Variants in TMEM178B observed in about 807,000 individuals in gnomAD.
The protein encoded by TMEM178B is transmembrane protein 178B.
Under a neutral mutation model 31.0 loss-of-function variants are expected in TMEM178B, and 5 were observed. The ratio of observed to expected loss-of-function variants is 0.16; its 90% confidence interval spans 0.08 to 0.34. TMEM178B has a LOEUF of 0.34. Ranked by LOEUF, TMEM178B falls within the 10% of genes least tolerant of loss-of-function variation. TMEM178B has a pLI of 1.00. For synonymous variants in TMEM178B, 164 were observed against 164.0 expected (o/e 1.00, Z 0.00); for missense variants, 275 against 400.3 (o/e 0.69, Z 2.67).
intron 2 of TMEM178B, among the ~76,000 whole-genome samples, chr7:141,228,525 C>T (rs1797382946): frequency 6.6e-6 from 1 of 152,170 alleles, no homozygotes; most frequent in South Asian, 2.1e-4. Context: ...AACACCATCC[C>T]AGGCTCCCTT....
intron 1 of TMEM178B, among the ~76,000 whole-genome samples, chr7:141,161,288 G>A (rs1166723935): frequency 6.6e-6 from 1 of 152,176 alleles, no homozygotes; most frequent in Non-Finnish European, 1.5e-5. Context: ...GGTGGATGAC[G>A]AGGTGGTGAG....
intron 2 of TMEM178B, among the ~76,000 whole-genome samples, chr7:141,374,981 C>T (rs1313416564): frequency 1.3e-5 from 2 of 152,170 alleles, no homozygotes; most frequent in Non-Finnish European, 2.9e-5. Flanking sequence ...TCCCCATGTC[C>T]CATGGCTGGG....
intron 3 of TMEM178B, among the ~76,000 whole-genome samples, chr7:141,451,279 G>A (rs1326279133): frequency 2.0e-5 from 3 of 152,174 alleles, no homozygotes; most frequent in African/African-American, 4.8e-5. Context: ...TGCCTTGTAC[G>A]GTTGTTATGA....
At chr7:141,253,713 G>A (rs1221111038) in intron 2 of TMEM178B, among the ~76,000 whole-genome samples, 2 of 151,950 alleles carry the variant, frequency 1.3e-5, no homozygotes, top group Non-Finnish European at 2.9e-5. Context: ...ACAGCGCCCG[G>A]CTAAATTTTG....
At chr7:141,289,393 C>T (rs1798504777) in intron 2 of TMEM178B, among the ~76,000 whole-genome samples, 1 of 152,162 alleles carries the variant, frequency 6.6e-6, no homozygotes, top group Admixed American at 6.5e-5. Context: ...GGTGCAGTCT[C>T]AGAACCCATG....
chr7:141,289,738 A>G (rs1470367831), intron 2 of TMEM178B, among the ~76,000 whole-genome samples: 4 of 151,636 alleles, frequency 2.6e-5, no homozygotes, highest in Admixed American at 2.0e-4. Context: ...AAAAGAAAAA[A>G]GAAAAAGAAA....
At chr7:141,101,657 T>A (rs573588369) in intron 1 of TMEM178B, among the ~76,000 whole-genome samples, 47 of 152,314 alleles carry the variant, frequency 3.1e-4, no homozygotes, top group African/African-American at 1.1e-3. Flanking sequence ...CAGATAACTA[T>A]CTATAAATAA....
chr7:141,422,312 C>T lies in TMEM178B; in HGVS notation c.497-15296C>T, dbSNP rs1039878737. Among the ~76,000 whole-genome samples, 2 of 152,198 alleles carry T rather than the reference C, an allele frequency of 1.3e-5. No individual in the cohort carries two copies. Among genetic ancestry groups the T allele is most frequent in the African/African-American group, 4.8e-5 (2 of 41,458 alleles). ...GACTTTTGGGGTTCCTTTGGGAAAG[C>T]TTTGCAGGAATTGGTGTTGCACCAT... is the stretch of plus-strand genomic sequence containing the variant. On this transcript the variant is annotated intron_variant, in intron 2 of 3. Coordinates refer to ENST00000565468, the MANE Select transcript of TMEM178B (RefSeq NM_001195278.2). This position sits in a 1 kb window ranked among gnomAD's most constrained non-coding sequence, Gnocchi z 4.2.
chr7:141,358,975 A>G (rs1030323229), intron 2 of TMEM178B, among the ~76,000 whole-genome samples: 7 of 152,294 alleles, frequency 4.6e-5, no homozygotes, highest in African/African-American at 1.4e-4. Flanking sequence ...TTGTACAGAC[A>G]GTTCATAGTT....
intron 3 of TMEM178B, among the ~76,000 whole-genome samples, chr7:141,465,204 G>A (rs1435117616): frequency 6.6e-6 from 1 of 152,162 alleles, no homozygotes; most frequent in East Asian, 1.9e-4. Flanking sequence ...CTGAGTAGAA[G>A]CCCCCTCATC....
At chr7:141,420,105 A>G (rs1476041411) in intron 2 of TMEM178B, among the ~76,000 whole-genome samples, 2 of 152,092 alleles carry the variant, frequency 1.3e-5, no homozygotes, top group Non-Finnish European at 2.9e-5. Context: ...CTTGACCTCC[A>G]TATGTTAAAT....
At chr7:141,279,582 C>T (rs979800233) in intron 2 of TMEM178B, among the ~76,000 whole-genome samples, 1 of 152,210 alleles carries the variant, frequency 6.6e-6, no homozygotes, top group South Asian at 2.1e-4. Context: ...CACCTTTGTT[C>T]TAGGCAAAGT....
intron 2 of TMEM178B, among the ~76,000 whole-genome samples, chr7:141,281,076 T>A (rs1299927821): frequency 6.6e-6 from 1 of 152,166 alleles, no homozygotes; most frequent in East Asian, 1.9e-4. Context: ...ATATTGTGGT[T>A]TGTCAAAATT....
intron 2 of TMEM178B, among the ~76,000 whole-genome samples, chr7:141,324,043 C>T (rs1261480598): frequency 6.6e-6 from 1 of 152,074 alleles, no homozygotes; most frequent in Non-Finnish European, 1.5e-5. Flanking sequence ...ATTCAAGAAA[C>T]TGCCTGGAGG....
chr7:141,075,829 G>C (rs1794592516), intron 1 of TMEM178B, among the ~76,000 whole-genome samples: 1 of 152,180 alleles, frequency 6.6e-6, no homozygotes, highest in Admixed American at 6.5e-5. Flanking sequence ...AATGCTGTGA[G>C]GTTTGCTGCT....
chr7:141,290,300 A>T (rs1443051754), intron 2 of TMEM178B, among the ~76,000 whole-genome samples: 1 of 152,246 alleles, frequency 6.6e-6, no homozygotes, highest in Non-Finnish European at 1.5e-5. Context: ...GTGAATGGTC[A>T]CTTAGAACAA....
intron 3 of TMEM178B, among the ~76,000 whole-genome samples, chr7:141,452,616 G>T (rs1801886192): frequency 6.6e-6 from 1 of 152,094 alleles, no homozygotes; most frequent in Admixed American, 6.5e-5. Flanking sequence ...GCCCTTGGTG[G>T]AAATCTCTGT....
chr7:141,385,579 C>A (rs1174023855), intron 2 of TMEM178B, among the ~76,000 whole-genome samples: 1 of 152,236 alleles, frequency 6.6e-6, no homozygotes, highest in East Asian at 1.9e-4. Flanking sequence ...TTAATGCTCA[C>A]CGAAATATTA....
intron 2 of TMEM178B, among the ~76,000 whole-genome samples, chr7:141,335,562 C>CTCATGAGAAGTTT (rs1586898451): frequency 6.6e-6 from 1 of 152,166 alleles, no homozygotes; most frequent in Non-Finnish European, 1.5e-5. Flanking sequence ...ATTCCCCCAG[C>CTCATGAGAAGTTT]TCATGAGAAG....
Sources: gnomAD v4.1 joint callset for allele counts (sites outside exome capture counted in the v4.1 genomes callset) on GRCh38, gnomAD v4.1.1 for gene constraint, Gnocchi (gnomAD v3.1) non-coding constraint, MANE v1.5 for transcripts, NCBI Gene and HGNC (gene_info 2026-07-23, HGNC 2026-07-21) for gene names.